Variants in POLA1 observed in about 807,000 individuals in gnomAD.
POLA1 encodes DNA polymerase alpha 1, catalytic subunit.
POLA1 carries 15 observed loss-of-function variants against 124.0 expected under a neutral mutation model. That is an observed-to-expected ratio of 0.12 (90% confidence interval 0.08 to 0.19). POLA1 has a LOEUF of 0.19. Among genes scored for constraint, POLA1 ranks in the 10% least tolerant of loss-of-function variants. POLA1 has a pLI of 1.00. For synonymous variants in POLA1, 408 were observed against 389.4 expected, an observed-to-expected ratio of 1.05 and a Z score of -0.56; for missense variants, 886 against 1,103.4, an observed-to-expected ratio of 0.80 and a Z score of 2.79.
intron 35 of POLA1, among the ~76,000 whole-genome samples, chrX:24,927,939 C>T (rs1704651407): frequency 9.0e-6 from 1 of 111,427 alleles, no homozygotes; most frequent in Admixed American, 9.5e-5. Flanking sequence ...AAAAAATCTC[C>T]AAGGGATCAC....
At chrX:24,787,370 C>T (rs929743057) in intron 26 of POLA1, among the ~76,000 whole-genome samples, 1 of 111,218 alleles carries the variant, frequency 9.0e-6, no homozygotes, top group Non-Finnish European at 1.9e-5. Flanking sequence ...GTTTTAGATC[C>T]ATTTTGAGTT....
intron 34 of POLA1, among the ~76,000 whole-genome samples, chrX:24,858,020 C>T (rs1053956158): frequency 1.8e-5 from 2 of 111,912 alleles, no homozygotes; most frequent in African/African-American, 6.5e-5. Context: ...ACTTTCACGC[C>T]TGTATCAAGT....
chrX:24,992,290 C>T (rs905676042), intron 36 of POLA1, among the ~76,000 whole-genome samples: 2 of 111,529 alleles, frequency 1.8e-5, no homozygotes, highest in African/African-American at 6.5e-5. Context: ...GCTCACGTTG[C>T]ATTGAGGGAG....
At chrX:24,987,339 T>C (rs1435372493) in intron 36 of POLA1, among the ~76,000 whole-genome samples, 1 of 112,149 alleles carries the variant, frequency 8.9e-6, no homozygotes, top group Non-Finnish European at 1.9e-5. Context: ...CTTGGATTCC[T>C]GTCCCACAGA....
At chrX:24,950,401 A>G (rs1433660512) in intron 36 of POLA1, among the ~76,000 whole-genome samples, 1 of 112,353 alleles carries the variant, frequency 8.9e-6, no homozygotes, top group Non-Finnish European at 1.9e-5. Context: ...AAATGGAAAT[A>G]GTGACATGTG....
At chrX:24,819,366 ATT>A (rs1231464001) in intron 30 of POLA1, among the ~76,000 whole-genome samples, 1 of 103,755 alleles carries the variant, frequency 9.6e-6, no homozygotes. Flanking sequence ...ATACTGTCAG[ATT>A]TTTTTTTTTT....
intron 4 of POLA1, 127 bp from the exon 5 acceptor site, chrX:24,714,427 A>T: frequency 4.5e-6 from 2 of 446,102 alleles, no homozygotes; most frequent in East Asian, 7.7e-5. Context: ...AAGTGCTGGG[A>T]ATACAGGCAT....
At chrX:24,895,544 G>A (rs1004087278) in intron 35 of POLA1, among the ~76,000 whole-genome samples, 1 of 112,472 alleles carries the variant, frequency 8.9e-6, no homozygotes, top group African/African-American at 3.2e-5. Flanking sequence ...AATTAGTCAT[G>A]TGGAAATAAT....
chrX:24,863,041 T>G (rs1022032158), intron 34 of POLA1, among the ~76,000 whole-genome samples: 2 of 112,214 alleles, frequency 1.8e-5, no homozygotes, highest in Admixed American at 1.9e-4. Flanking sequence ...AAATTTTAGC[T>G]GGTCTAAAAA....
chrX:24,754,568 G>A (rs1932502675), intron 26 of POLA1, among the ~76,000 whole-genome samples: 1 of 111,580 alleles, frequency 9.0e-6, no homozygotes, highest in South Asian at 3.8e-4. Context: ...TCTCTTAATA[G>A]CCTAGTTTTT....
intron 26 of POLA1, among the ~76,000 whole-genome samples, chrX:24,804,008 G>A (rs184726997): frequency 2.9e-4 from 28 of 97,025 alleles, no homozygotes; most frequent in Non-Finnish European, 4.4e-4. Context: ...CACTTTTTAA[G>A]CCTGTGGTTC....
chrX:24,730,548 A>G (rs1930841707), intron 15 of POLA1, among the ~76,000 whole-genome samples: 1 of 112,098 alleles, frequency 8.9e-6, no homozygotes, highest in South Asian at 3.7e-4. Flanking sequence ...GCCCAACCCC[A>G]TTTTCTAATA....
At chrX:24,961,438 T>A (rs1197255456) in intron 36 of POLA1, among the ~76,000 whole-genome samples, 1 of 111,793 alleles carries the variant, frequency 8.9e-6, no homozygotes, top group Non-Finnish European at 1.9e-5. Flanking sequence ...GTGGAAATAG[T>A]GCCAAATATT....
chrX:24,972,666 C>T (rs1369203672), intron 36 of POLA1, among the ~76,000 whole-genome samples: 1 of 111,861 alleles, frequency 8.9e-6, no homozygotes, highest in Non-Finnish European at 1.9e-5. Flanking sequence ...GGAAGGGGAC[C>T]AAGAGTCTGG....
Position 24,779,556 on chromosome X carries a change from T to A in POLA1, c.2965-30342T>A, listed in dbSNP as rs752260830. On this transcript the variant is annotated intron_variant, in intron 26 of 36. Transcript: ENST00000379068. ...ACTGGTCCTGACTTGGTCTAGGTAG[T>A]CAAATTCAACCTCTGCATTTTACCA... Among the ~76,000 whole-genome samples, 6 of 112,143 alleles carry A rather than the reference T, an allele frequency of 5.4e-5. No individual in the cohort carries two copies. In the South Asian group the frequency reaches 2.2e-3, roughly 42 times the overall value.
intron 26 of POLA1, among the ~76,000 whole-genome samples, chrX:24,779,206 G>A (rs998500285): frequency 1.8e-5 from 2 of 110,627 alleles, no homozygotes; most frequent in African/African-American, 6.6e-5. Flanking sequence ...AGCTTCCTGA[G>A]TATTTAGGAT....
At chrX:24,982,449 A>G (rs1486569746) in intron 36 of POLA1, among the ~76,000 whole-genome samples, 2 of 108,969 alleles carry the variant, frequency 1.8e-5, no homozygotes, top group African/African-American at 6.7e-5. Context: ...GCCCTTTACT[A>G]CCTGTTTACT....
At chrX:24,741,146 T>TGTGTGTGC (rs1555980133) in intron 20 of POLA1, among the ~76,000 whole-genome samples, 3 of 97,814 alleles carry the variant, frequency 3.1e-5, no homozygotes, top group African/African-American at 1.1e-4. Flanking sequence ...TGTGTGTGTG[T>TGTGTGTGC]GCGCGCGTGT....
At chrX:24,775,112 A>C (rs867168082) in intron 26 of POLA1, 1 of 111,346 alleles carries the variant, frequency 9.0e-6, no homozygotes, top group Non-Finnish European at 1.9e-5. Context: ...ATCCATTATT[A>C]GCAAATACCT....
Sources: allele counts gnomAD v4.1 joint callset (sites outside exome capture counted in the v4.1 genomes callset), GRCh38; gene constraint gnomAD v4.1.1; transcripts MANE v1.5; gene names NCBI Gene and HGNC (gene_info 2026-07-23, HGNC 2026-07-21).